The following PKHD1 variants were observed in gnomAD, a reference collection of about 807,000 sequenced individuals.
PKHD1 encodes fibrocystin.
A neutral mutation model predicts 412.0 loss-of-function variants in PKHD1; 291 were observed. The ratio of observed to expected loss-of-function variants is 0.71; its 90% CI spans 0.64 to 0.78. The LOEUF is 0.78. Ranked by LOEUF, PKHD1 falls within the 30% of genes least tolerant of loss-of-function variation. The pLI, the probability that PKHD1 is intolerant of heterozygous loss-of-function variation, is 0.00. For synonymous variants in PKHD1, 1,777 were observed against 1,821.5 expected (o/e 0.98, Z 0.62); for missense variants, 4,825 against 4,950.7 (o/e 0.97, Z 0.76).
At chr6:52,075,629 T>A (rs143048118) in intron 6 of PKHD1, among the ~76,000 whole-genome samples, 1 of 152,214 alleles carries the variant, frequency 6.6e-6, no homozygotes, top group African/African-American at 2.4e-5. Context: ...TTTAAATATC[T>A]GTGTGCTCTC....
intron 36 of PKHD1, among the ~76,000 whole-genome samples, chr6:51,935,339 T>C (rs1217324786): frequency 6.6e-6 from 1 of 151,990 alleles, no homozygotes; most frequent in Non-Finnish European, 1.5e-5. Context: ...TTCATTTTTA[T>C]AATATCTTTC....
At chr6:51,981,453 C>G (rs1562047501) in intron 35 of PKHD1, among the ~76,000 whole-genome samples, 2 of 152,090 alleles carry the variant, frequency 1.3e-5, no homozygotes, top group African/African-American at 4.8e-5. Context: ...CTGCCTGATT[C>G]TCCTGCCTCA....
chr6:52,028,101 A>C, intron 30 of PKHD1, 55 bp downstream of exon 30: 1 of 1,521,118 alleles, frequency 6.6e-7, no homozygotes, highest in Non-Finnish European at 9.1e-7. Flanking sequence ...AGAATTACCT[A>C]GCTGAATGCT....
chr6:51,812,423 G>A (rs1182522798), intron 52 of PKHD1, among the ~76,000 whole-genome samples: 5 of 152,146 alleles, frequency 3.3e-5, no homozygotes, highest in Admixed American at 1.3e-4. Context: ...AATTAGCTCA[G>A]GCCACGATGG....
rs200842551 is a variant in PKHD1, at chr6:51,960,012, T to C, written c.5766A>G (p.Leu1922=). ...TCCTGGACCATCTCCGGCAGAACTGTAAAGAAAAGTTGCCCTGGAAAACAG... is the reference window on the plus strand; with the variant it reads ...TCCTGGACCATCTCCGGCAGAACTGCAAAGAAAAGTTGCCCTGGAAAACAG... ...WGQNTQGNFS[L]QFCRRWSRTH... is the part of the protein sequence containing the mutation. The change falls in exon 36 of 67, where the codon TTA becomes TTG. Residue 1922 remains leucine, a synonymous_variant. Transcript: ENST00000371117. The C allele has an allele frequency of 1.9e-6, 3 of 1,613,308 alleles. No homozygotes were observed. The highest frequency in any genetic ancestry group is 2.5e-6 in the Non-Finnish European group (3 of 1,179,522).
At position 51,627,065 on chromosome 6, in the gene PKHD1, T is replaced by C. The variant is rs767963697; in HGVS notation, c.11717A>G (p.His3906Arg). The change falls in exon 66 of 67, where the codon CAT (histidine) becomes CGT (arginine). Residue 3906 changes from histidine (H) to arginine (R), a missense_variant. His to Arg is a conservative substitution (Grantham distance 29, BLOSUM62 0). Transcript: ENST00000371117. ...TCGGCGTTTGGATGAGATGTGGATATGAATATTTTGATTATTAGTCTGGGA... is the reference window on the plus strand; with the variant it reads ...TCGGCGTTTGGATGAGATGTGGATACGAATATTTTGATTATTAGTCTGGGA... ...PESQTNNQNI[H>R]IHISSKRRES... The C allele has an allele frequency of 6.2e-7, 1 of 1,610,696 alleles. No homozygotes were observed. Among genetic ancestry groups the C allele is most frequent in the South Asian group, 1.1e-5 (1 of 91,024 alleles).
chr6:52,046,769 T>C (rs2128189564), intron 23 of PKHD1, among the ~76,000 whole-genome samples: 1 of 152,350 alleles, frequency 6.6e-6, no homozygotes, highest in South Asian at 2.1e-4. Context: ...TGAACCCTGC[T>C]TTGTGCTCTA....
At chr6:52,024,507 C>T in intron 32 of PKHD1, 67 bp downstream of exon 32, 1 of 1,453,578 alleles carries the variant, frequency 6.9e-7, no homozygotes, top group Non-Finnish European at 9.6e-7. Flanking sequence ...TTCTACTTTC[C>T]AGAAGTGAAA....
chr6:51,744,608 G>A, intron 59 of PKHD1, 66 bp from the exon 60 acceptor site: 6 of 1,163,618 alleles, frequency 5.2e-6, no homozygotes, highest in Non-Finnish European at 7.8e-6. Flanking sequence ...AATATACATT[G>A]GTAGTGCTAA....
intron 41 of PKHD1, 30 bp downstream of exon 41, chr6:51,906,185 G>A (rs763628744): frequency 6.3e-7 from 1 of 1,592,832 alleles, no homozygotes; most frequent in South Asian, 1.1e-5. Flanking sequence ...ACACAAGAAT[G>A]CAGAAATTCA....
chr6:51,894,951 TAAC>T (rs143787432), intron 43 of PKHD1, among the ~76,000 whole-genome samples: 2,023 of 152,328 alleles, frequency 0.013, 44 homozygotes, highest in African/African-American at 0.043. Context: ...AAGTTTAAAA[TAAC>T]AACAAAGAAA....
At chr6:51,635,339 C>T (rs956216948) in intron 64 of PKHD1, among the ~76,000 whole-genome samples, 20 of 152,078 alleles carry the variant, frequency 1.3e-4, no homozygotes, top group African/African-American at 4.3e-4. Flanking sequence ...GGTGACCAGG[C>T]GAAATTATCT....
chr6:52,082,060 AT>A (rs1393852051), intron 4 of PKHD1, among the ~76,000 whole-genome samples: 1 of 152,198 alleles, frequency 6.6e-6, no homozygotes, highest in Non-Finnish European at 1.5e-5. Flanking sequence ...AATTATGCCT[AT>A]TCCAAAAGAT....
chr6:51,909,401 G>A lies in PKHD1; in HGVS notation c.6564C>T (p.Ile2188=), dbSNP rs767464690. ...LGSRDMGARV[I]VQSFPEEPSQ... ...TGGGCTCTTCTGGGAAGGACTGAACGATCACTCTGGCTCCCATATCCCTGG... is the reference window on the plus strand; with the variant it reads ...TGGGCTCTTCTGGGAAGGACTGAACAATCACTCTGGCTCCCATATCCCTGG... Residue 2188 remains isoleucine (I), a synonymous_variant, in exon 40 of 67, where the codon ATC becomes ATT. Coordinates refer to ENST00000371117, the MANE Select transcript of PKHD1 (RefSeq NM_138694.4). The A allele has an allele frequency of 2.5e-5, 40 of 1,613,194 alleles. No homozygotes were observed. The Admixed American group carries it at 2.7e-4, about 11-fold the overall frequency.
chr6:51,911,960 G>C lies in PKHD1; in HGVS notation c.6333-4C>G, dbSNP rs1783017393. On this transcript the variant is annotated splice_polypyrimidine_tract_variant and splice_region_variant and intron_variant, in intron 38 of 66. Coordinates refer to ENST00000371117, the MANE Select transcript of PKHD1 (RefSeq NM_138694.4). ...CTCTGTAAAGTTGTGAGAATATCTG[G>C]AGAAAAAAAGAGGATGATAGAACTG... The C allele has an allele frequency of 1.2e-6, 2 of 1,605,822 alleles. No individual in the cohort carries two copies. The highest frequency in any genetic ancestry group is 1.1e-5 in the South Asian group (1 of 90,924).
At position 52,025,957 on chromosome 6, in the gene PKHD1, T is replaced by C. The variant is rs1562169039; in HGVS notation, c.3853A>G (p.Ser1285Gly). 1 of 1,614,106 alleles carries C rather than the reference T, an allele frequency of 6.2e-7. No homozygotes were observed. The highest frequency in any genetic ancestry group is 8.5e-7 in the Non-Finnish European group (1 of 1,180,030). ...NRFFARGPSP[S>G]LVGKGFTFMY... ...AAGGTGAAGCCTTTCCCCACCAAGC[T>C]TGGTGAAGGACCACGGGCGAAGAAC... Residue 1285 changes from serine (S) to glycine (G), a missense_variant, in exon 32 of 67, where the codon AGC (serine) becomes GGC (glycine). By Grantham distance (56) the Ser-to-Gly change is moderately conservative (BLOSUM62 0). Transcript: ENST00000371117.
At chr6:51,789,035 C>A (rs555997756) in intron 53 of PKHD1, among the ~76,000 whole-genome samples, 20 of 152,280 alleles carry the variant, frequency 1.3e-4, no homozygotes, top group African/African-American at 4.8e-4. Context: ...CTATACTCAT[C>A]TCACTCTGTT....
chr6:52,002,655 T>C (rs1386058825), intron 35 of PKHD1, among the ~76,000 whole-genome samples: 1 of 151,094 alleles, frequency 6.6e-6, no homozygotes, highest in Non-Finnish European at 1.5e-5. Flanking sequence ...GCACACTAAG[T>C]GGGTCTAAAA....
intron 44 of PKHD1, among the ~76,000 whole-genome samples, chr6:51,886,850 G>A (rs1044611664): frequency 6.6e-6 from 1 of 152,178 alleles, no homozygotes; most frequent in Non-Finnish European, 1.5e-5. Context: ...CAAATAAAGA[G>A]GCTCTGGAGG....
Sources: allele counts gnomAD v4.1 joint callset (sites outside exome capture counted in the v4.1 genomes callset), GRCh38; gene constraint gnomAD v4.1.1; transcripts MANE v1.5; gene names NCBI Gene and HGNC (gene_info 2026-07-23, HGNC 2026-07-21).